Variants in PTPRF observed in about 807,000 individuals in gnomAD.
PTPRF encodes receptor-type tyrosine-protein phosphatase F.
PTPRF carries 59 observed loss-of-function variants against 201.8 expected under a neutral mutation model. That is an observed-to-expected ratio of 0.29 (90% CI 0.24 to 0.36). The LOEUF (loss-of-function observed/expected upper bound fraction) is 0.36. PTPRF is among the 10% of genes least tolerant of loss of function. The probability of loss-of-function intolerance (pLI) is 1.00; values close to 1 mark genes in which losing one functional copy is unlikely to be tolerated. For synonymous variants in PTPRF, 1,088 were observed against 1,089.7 expected, an observed-to-expected ratio of 1.00 and a Z score of 0.03; for missense variants, 2,132 against 2,690.5, an observed-to-expected ratio of 0.79 and a Z score of 4.59.
At chr1:43,609,988 C>T (rs932435565) in intron 22 of PTPRF, among the ~76,000 whole-genome samples, 15 of 152,228 alleles carry the variant, frequency 9.9e-5, no homozygotes, top group African/African-American at 3.4e-4. Context: ...CTCCTAGCCA[C>T]TCTCATGGGG....
chr1:43,524,343 G>A (rs145028281), upstream of PTPRF, among the ~76,000 whole-genome samples: 1 of 152,168 alleles, frequency 6.6e-6, no homozygotes, highest in East Asian at 1.9e-4. Flanking sequence ...TACTCCAAAA[G>A]CTATTGAAAT....
chr1:43,602,014 T>C (rs1653870234), intron 13 of PTPRF, 57 bp from the exon 14 acceptor site: 2 of 1,579,786 alleles, frequency 1.3e-6, no homozygotes, highest in African/African-American at 2.7e-5. Flanking sequence ...CCAGGCCCTC[T>C]CCAGGTCAGA....
chr1:43,557,985 A>G (rs1645512759), intron 5 of PTPRF, among the ~76,000 whole-genome samples: 1 of 149,610 alleles, frequency 6.7e-6, no homozygotes, highest in African/African-American at 2.4e-5. Flanking sequence ...GCCTCACCCC[A>G]CCCCTCCCCT....
intron 28 of PTPRF, 49 bp from the exon 29 acceptor site, chr1:43,619,631 C>T (rs373749654): frequency 1.6e-5 from 25 of 1,610,492 alleles, no homozygotes; most frequent in African/African-American, 4.0e-5. Context: ...TGCAGATGAC[C>T]CCCACCCCCA....
intron 2 of PTPRF, among the ~76,000 whole-genome samples, chr1:43,544,362 G>GGCA (rs776695805): frequency 3.1e-4 from 47 of 152,212 alleles, no homozygotes; most frequent in Admixed American, 7.8e-4. Context: ...GGCCAGGCAG[G>GGCA]GCAGCAGCAG....
chr1:43,606,118 G>T, intron 19 of PTPRF, 122 bp from the exon 20 acceptor site: 1 of 1,077,492 alleles, frequency 9.3e-7, no homozygotes, highest in South Asian at 1.6e-5. Flanking sequence ...GGGCAGGTGT[G>T]GGCTCTGACA....
chr1:43,604,870 C>G, intron 16 of PTPRF, 33 bp from the exon 17 acceptor site: 1 of 1,593,312 alleles, frequency 6.3e-7, no homozygotes, highest in Non-Finnish European at 8.6e-7. Flanking sequence ...CCTCATATAC[C>G]CAGCAGAGCT....
chr1:43,547,496 GCA>G (rs979297075), intron 3 of PTPRF, among the ~76,000 whole-genome samples: 1 of 152,204 alleles, frequency 6.6e-6, no homozygotes, highest in African/African-American at 2.4e-5. Context: ...GTCTTACACT[GCA>G]CACAGTTTTG....
chr1:43,600,378 C>T (rs1653451712), intron 13 of PTPRF, among the ~76,000 whole-genome samples: 2 of 152,172 alleles, frequency 1.3e-5, no homozygotes, highest in South Asian at 4.1e-4. Context: ...GGACGCTGCC[C>T]ATTTAGTCTC....
chr1:43,566,825 G>A lies in PTPRF; in HGVS notation c.380-2765G>A, dbSNP rs540601277. ...CACAGGGGACTGGCTTTTGGGTCCC[G>A]CTGTTTTATGGACAGCTCTCCACAC... On this transcript the variant is annotated intron_variant, in intron 5 of 33. Transcript: ENST00000359947. Among the ~76,000 whole-genome samples the A allele has an allele frequency of 3.9e-5, 6 of 152,268 alleles. No individual in the cohort carries two copies. In the East Asian group the frequency reaches 7.7e-4, roughly 20 times the overall value.
At position 43,591,245 on chromosome 1, in the gene PTPRF, C is replaced by T. The variant is rs748121483; in HGVS notation, c.1223C>T (p.Thr408Met). ...GPPSEAVRAR[T>M]GEQAPSSPPR... ...CCCAGCGAGGCAGTGCGGGCACGCA[C>T]GGGAGAACAGGCGCCCTCCAGCCCA... Residue 408 changes from threonine (T) to methionine (M), a missense_variant, in exon 9 of 34, where the codon ACG (threonine) becomes ATG (methionine). Transcript: ENST00000359947. 32 of 1,590,768 alleles carry T rather than the reference C, an allele frequency of 2.0e-5. No homozygotes were observed. The highest frequency in any genetic ancestry group is 4.6e-5 in the East Asian group (2 of 43,828).
Position 43,545,038 on chromosome 1 carries a change from G to C in PTPRF, c.-38G>C, listed in dbSNP as rs1428376958. ...CCCTTCTCTCCATTACAGGTTGATT[G>C]TCCTGGGCTGTGGCTGGCTGTGGAG... On this transcript the variant is annotated 5_prime_UTR_variant, in exon 3 of 34. Transcript: ENST00000359947. 5.2e-6 allele frequency: 8 copies of C among 1,529,150 alleles called. No homozygotes were observed. The highest frequency in any genetic ancestry group is 2.0e-5 in the Admixed American group (1 of 50,654). 94.7% of individuals were successfully genotyped at this position (1,529,150 alleles called of 1,614,324 possible).
chr1:43,579,613 A>G (rs938408560), intron 7 of PTPRF: 1 of 267,776 alleles, frequency 3.7e-6, no homozygotes, highest in African/African-American at 2.2e-5. Context: ...TGGGGTTTCC[A>G]ATCTCTGCTA....
In PTPRF at chr1:43,619,099, C is replaced by T; in HGVS notation, c.4543C>T (p.Pro1515Ser). The change falls in exon 27 of 34, where the codon CCA (proline) becomes TCA (serine). Residue 1515 changes from proline (P) to serine (S), a missense_variant. Transcript: ENST00000359947. ...GCGTCAGTTTCAGTTCATGGCCTGG[C>T]CAGACCATGGAGTTCCTGAGTACCC... is the stretch of plus-strand genomic sequence containing the variant. The part of the protein sequence containing the change: ...ELRQFQFMAW[P>S]DHGVPEYPTP... 6.2e-7 allele frequency: 1 copy of T among 1,613,996 alleles called. No individual in the cohort carries two copies. Among genetic ancestry groups the T allele is most frequent in the Non-Finnish European group, 8.5e-7 (1 of 1,179,932 alleles).
intron 21 of PTPRF, among the ~76,000 whole-genome samples, chr1:43,608,324 T>C (rs553895320): frequency 1.3e-5 from 2 of 152,318 alleles, no homozygotes; most frequent in South Asian, 2.1e-4. Context: ...CGGGACCTAG[T>C]AAACAAGAAA....
chr1:43,610,186 C>G (rs149838477), intron 22 of PTPRF, among the ~76,000 whole-genome samples: 61 of 152,304 alleles, frequency 4.0e-4, no homozygotes, highest in Non-Finnish European at 7.6e-4. Flanking sequence ...AGTCTCTGAG[C>G]TCTGTGGTGC....
chr1:43,602,535 T>C (rs1006875056), intron 14 of PTPRF, among the ~76,000 whole-genome samples: 1 of 152,112 alleles, frequency 6.6e-6, no homozygotes, highest in Non-Finnish European at 1.5e-5. Flanking sequence ...GAGGGGTCCA[T>C]GAGGGGGTGG....
intron 6 of PTPRF, among the ~76,000 whole-genome samples, chr1:43,577,379 C>T (rs1036588565): frequency 1.3e-5 from 2 of 152,122 alleles, no homozygotes; most frequent in Non-Finnish European, 2.9e-5. Context: ...CCTGGTGCTC[C>T]CTGGCATCTG....
At chr1:43,532,231 AG>A (rs998265041) in intron 1 of PTPRF, among the ~76,000 whole-genome samples, 2 of 151,794 alleles carry the variant, frequency 1.3e-5, no homozygotes, top group East Asian at 3.9e-4. Flanking sequence ...TCCACCCCGG[AG>A]GGGGAGGGGC....
Sources: gnomAD v4.1 joint callset for allele counts (sites outside exome capture counted in the v4.1 genomes callset) on GRCh38, gnomAD v4.1.1 for gene constraint, MANE v1.5 for transcripts, NCBI Gene and HGNC (gene_info 2026-07-23, HGNC 2026-07-21) for gene names.